The following ADSL variants were observed in gnomAD, a reference collection of about 807,000 sequenced individuals.
The protein encoded by ADSL is adenylosuccinate lyase.
A neutral mutation model predicts 62.1 loss-of-function variants in ADSL; 44 were observed. That is an observed-to-expected ratio of 0.71 (90% CI 0.56 to 0.91). The LOEUF (loss-of-function observed/expected upper bound fraction) is 0.91. Ranked by LOEUF, ADSL falls within the 40% of genes least tolerant of loss-of-function variation. The pLI is 0.00. For synonymous variants in ADSL, 198 were observed against 220.5 expected (o/e 0.90, Z 0.90); for missense variants, 531 against 627.4 (o/e 0.85, Z 1.64).
intron 4 of ADSL, 62 bp downstream of exon 4, chr22:40,354,389 C>T (rs1265958306): frequency 3.2e-6 from 4 of 1,268,624 alleles, no homozygotes; most frequent in Non-Finnish European, 4.6e-6. Context: ...CTTGAGTTCT[C>T]TGTTTTCCAC....
chr22:40,348,764 A>C (rs1400365497), intron 1 of ADSL: 1 of 394,648 alleles, frequency 2.5e-6, no homozygotes. Flanking sequence ...TGGATAAAAA[A>C]GATCTAAGAT....
In ADSL at chr22:40,361,480, A is replaced by G; in HGVS notation, c.863-8A>G. On this transcript the variant is annotated splice_region_variant and splice_polypyrimidine_tract_variant and intron_variant, in intron 8 of 12. Coordinates refer to ENST00000623063, the MANE Select transcript of ADSL (RefSeq NM_000026.4). ...CCTTTGCATCTTGTCCTTTTTTTACATGGGCAGGCTCAAGTGCGATGCCAT... is the reference window on the plus strand; with the variant it reads ...CCTTTGCATCTTGTCCTTTTTTTACGTGGGCAGGCTCAAGTGCGATGCCAT... 6.2e-7 allele frequency: 1 copy of G among 1,614,144 alleles called. No individual in the cohort carries two copies. Among genetic ancestry groups the G allele is most frequent in the Non-Finnish European group, 8.5e-7 (1 of 1,180,032 alleles).
intron 4 of ADSL, among the ~76,000 whole-genome samples, chr22:40,355,449 C>T (rs535274745): frequency 1.3e-5 from 2 of 152,274 alleles, no homozygotes; most frequent in Non-Finnish European, 2.9e-5. Context: ...TGAGCCACCG[C>T]GCCCGGCCTA....
intron 2 of ADSL, among the ~76,000 whole-genome samples, chr22:40,385,729 G>A (rs1438733564): frequency 6.6e-6 from 1 of 152,212 alleles, no homozygotes; most frequent in Non-Finnish European, 1.5e-5. Context: ...ATCGCTGAAG[G>A]AAATATGATG....
intron 7 of ADSL, chr22:40,361,013 G>A: frequency 1.9e-6 from 1 of 533,832 alleles, no homozygotes; most frequent in South Asian, 1.9e-5. Flanking sequence ...AATTAATCTT[G>A]TGATTTTCTT....
Position 40,364,046 on chromosome 22 carries a change from C to T in ADSL, c.1102-230C>T, listed in dbSNP as rs56408831. ...GAGCTGAGATCACGCCACTGCACTC[C>T]AGCCTGGGCGACAGAGTGAGACTCT... On this transcript the variant is annotated intron_variant, in intron 10 of 12. Coordinates refer to ENST00000623063, the MANE Select transcript of ADSL (RefSeq NM_000026.4). Among the ~76,000 whole-genome samples the T allele has an allele frequency of 0.021, 3,130 of 150,918 alleles. 48 individuals are homozygous for T. Among genetic ancestry groups the T allele is most frequent in the Non-Finnish European group, 0.034 (2,297 of 67,804 alleles).
chr22:40,346,721 C>T lies in ADSL; in HGVS notation c.153+10C>T. 7.5e-6 allele frequency: 12 copies of T among 1,599,170 alleles called. No individual in the cohort carries two copies. The highest frequency in any genetic ancestry group is 1.0e-5 in the Non-Finnish European group (12 of 1,176,094). On this transcript the variant is annotated intron_variant, in intron 1 of 12. Transcript: ENST00000623063. The stretch of plus-strand genomic sequence containing the variant: ...GGCGGAGGCCGAGCAGGTAACGGAT[C>T]CCGGGCTGAGGGGCTGGGCCGGGAG...
rs2044774129 is a variant in ADSL, at chr22:40,361,270, C to G, written c.793-3C>G. ...GTGATGCTTATTCCCCTACCTCCCCCAGATTTGCACCGACATACGCCTCCT... is the reference window on the plus strand; with the variant it reads ...GTGATGCTTATTCCCCTACCTCCCCGAGATTTGCACCGACATACGCCTCCT... On this transcript the variant is annotated splice_region_variant and splice_polypyrimidine_tract_variant and intron_variant, in intron 7 of 12. Transcript: ENST00000623063. 1 of 1,614,008 alleles carries G rather than the reference C, an allele frequency of 6.2e-7. No homozygotes were observed. The highest frequency in any genetic ancestry group is 1.3e-5 in the African/African-American group (1 of 74,910).
At chr22:40,386,024 T>C (rs1363614822) in intron 2 of ADSL, among the ~76,000 whole-genome samples, 2 of 141,174 alleles carry the variant, frequency 1.4e-5, no homozygotes, top group Admixed American at 8.1e-5. Flanking sequence ...GCTAATTTTT[T>C]GTTTTTTTTT....
At chr22:40,377,024 G>A (rs562577043) in intron 2 of ADSL, among the ~76,000 whole-genome samples, 61 of 152,282 alleles carry the variant, frequency 4.0e-4, no homozygotes, top group African/African-American at 1.4e-3. Flanking sequence ...TGCAGCATGT[G>A]TGCAGACAGT....
chr22:40,369,432 A>T (rs1358097366), downstream of ADSL: 5 of 146,858 alleles, frequency 3.4e-5, no homozygotes, highest in African/African-American at 2.5e-5. Flanking sequence ...TATATATATA[A>T]AATATACATT....
intron 2 of ADSL, chr22:40,387,290 A>G: frequency 2.5e-6 from 1 of 398,390 alleles, no homozygotes. Flanking sequence ...AATACTGTAT[A>G]TAGTGTAGTA....
downstream of ADSL, among the ~76,000 whole-genome samples, chr22:40,370,022 T>C (rs897167297): frequency 2.6e-5 from 4 of 152,054 alleles, no homozygotes; most frequent in Non-Finnish European, 5.9e-5. Context: ...CAGCATAGAA[T>C]CTGACACAGA....
Position 40,361,263 on chromosome 22 carries a change from C to T in ADSL, c.793-10C>T, listed in dbSNP as rs2044773338. The stretch of plus-strand genomic sequence containing the variant: ...GTGTGGGGTGATGCTTATTCCCCTA[C>T]CTCCCCCAGATTTGCACCGACATAC... On this transcript the variant is annotated splice_polypyrimidine_tract_variant and intron_variant, in intron 7 of 12. Coordinates refer to ENST00000623063, the MANE Select transcript of ADSL (RefSeq NM_000026.4). 2 of 1,613,810 alleles carry T rather than the reference C, an allele frequency of 1.2e-6. No individual in the cohort carries two copies. The highest frequency in any genetic ancestry group is 2.2e-5 in the South Asian group (2 of 91,088).
At chr22:40,364,613 AG>A (rs2044929002) in intron 11 of ADSL, 2 of 630,042 alleles carry the variant, frequency 3.2e-6, no homozygotes, top group Admixed American at 5.0e-5. Flanking sequence ...GACATTCTGT[AG>A]GAAATGAGCA....
chr22:40,376,535 AGT>A (rs2046634951), intron 2 of ADSL: 1 of 152,180 alleles, frequency 6.6e-6, no homozygotes. Context: ...TGGAATAATT[AGT>A]GCTACTCATA....
At chr22:40,350,630 T>C (rs1325446975) in intron 2 of ADSL, among the ~76,000 whole-genome samples, 2 of 152,198 alleles carry the variant, frequency 1.3e-5, no homozygotes, top group East Asian at 3.9e-4. Flanking sequence ...ATTTTTTTTT[T>C]TTCTTTGAGA....
intron 11 of ADSL, 40 bp from the exon 12 acceptor site, chr22:40,364,840 C>G (rs1056168593): frequency 1.9e-6 from 3 of 1,605,514 alleles, no homozygotes; most frequent in East Asian, 4.5e-5. Flanking sequence ...TTCAAACGCC[C>G]TGTTAGTAGG....
intron 1 of ADSL, chr22:40,347,265 A>G (rs540282135): frequency 6.5e-6 from 1 of 153,902 alleles, no homozygotes; most frequent in South Asian, 2.0e-4. Context: ...GTGCCTGTGT[A>G]GTTAGTGACA....
Sources: allele counts gnomAD v4.1 joint callset (sites outside exome capture counted in the v4.1 genomes callset), GRCh38; gene constraint gnomAD v4.1.1; transcripts MANE v1.5; gene names NCBI Gene and HGNC (gene_info 2026-07-23, HGNC 2026-07-21).